PHYHIPL: variants seen among roughly 807,000 people sequenced by gnomAD.
The protein encoded by PHYHIPL is phytanoyl-CoA 2-hydroxylase interacting protein like.
PHYHIPL carries 9 observed loss-of-function variants against 33.4 expected under a neutral mutation model. The ratio of observed to expected loss-of-function variants is 0.27; its 90% confidence interval spans 0.16 to 0.47. PHYHIPL has a LOEUF of 0.47. Among genes scored for constraint, PHYHIPL ranks in the 20% least tolerant of loss-of-function variants. PHYHIPL has a pLI of 0.99. For synonymous variants in PHYHIPL, 153 were observed against 154.1 expected, an observed-to-expected ratio of 0.99 and a Z score of 0.05; for missense variants, 365 against 460.7, an observed-to-expected ratio of 0.79 and a Z score of 1.90.
chr10:59,189,418 C>T (rs560816295), intron 1 of PHYHIPL, among the ~76,000 whole-genome samples: 1 of 152,102 alleles, frequency 6.6e-6, no homozygotes, highest in South Asian at 2.1e-4. Context: ...TGTGGGTAGA[C>T]CACATTTTTA....
chr10:59,182,675 A>G (rs1181263359), intron 1 of PHYHIPL, among the ~76,000 whole-genome samples: 1 of 152,182 alleles, frequency 6.6e-6, no homozygotes, highest in Non-Finnish European at 1.5e-5. Flanking sequence ...GAGTAAAATC[A>G]GTGTTTGGAG....
intron 1 of PHYHIPL, among the ~76,000 whole-genome samples, 155 bp from the exon 2 acceptor site, chr10:59,234,149 C>G (rs1308998727): frequency 6.6e-6 from 1 of 151,622 alleles, no homozygotes; most frequent in Non-Finnish European, 1.5e-5. Context: ...TTTGTGTTCA[C>G]TCTGTGAAAA....
chr10:59,191,395 GT>G lies in PHYHIPL; in HGVS notation c.106+14440del, dbSNP rs1474160713. Among the ~76,000 whole-genome samples, 5 of 151,940 alleles carry G rather than the reference GT, an allele frequency of 3.3e-5. No individual in the cohort carries two copies. In the East Asian group the frequency reaches 7.7e-4, roughly 23 times the overall value. ...TATCAATAATGCAACATTTGATAAG[GT>G]TTTCTCTAATTGTGTATGCTTTTGT... On this transcript the variant is annotated intron_variant, in intron 1 of 4. Transcript: ENST00000373880.
At chr10:59,223,446 C>A (rs903044256) in intron 1 of PHYHIPL, among the ~76,000 whole-genome samples, 1 of 152,056 alleles carries the variant, frequency 6.6e-6, no homozygotes, top group African/African-American at 2.4e-5. Flanking sequence ...CAGTCCCACA[C>A]CTTGTTGTCT....
intron 1 of PHYHIPL, chr10:59,221,607 C>G (rs1759433260): frequency 4.7e-6 from 4 of 847,126 alleles, no homozygotes; most frequent in Non-Finnish European, 4.3e-6. Flanking sequence ...GAGTGTGAAG[C>G]CTTAATTTTG....
rs769200278 is a variant in PHYHIPL, at chr10:59,211,099, T to C, written c.107-23205T>C. Among the ~76,000 whole-genome samples the C allele has an allele frequency of 3.3e-4, 50 of 152,050 alleles. 1 individual carries two copies. The highest frequency in any genetic ancestry group is 1.5e-4 in the Non-Finnish European group (10 of 67,992). On this transcript the variant is annotated intron_variant, in intron 1 of 4. Transcript: ENST00000373880. ...ATATCACAAATAAGGCCTGATATGG[T>C]GGCTCATGCCTGCCTGTAATCCCTG...
At chr10:59,195,907 A>G (rs2133207070) in intron 1 of PHYHIPL, among the ~76,000 whole-genome samples, 1 of 152,316 alleles carries the variant, frequency 6.6e-6, no homozygotes, top group South Asian at 2.1e-4. Context: ...AAAGTAATAG[A>G]ACTTTTGTTA....
chr10:59,231,964 T>A (rs1268751152), intron 1 of PHYHIPL, among the ~76,000 whole-genome samples: 1 of 152,062 alleles, frequency 6.6e-6, no homozygotes, highest in Non-Finnish European at 1.5e-5. Flanking sequence ...ATTAATAAAG[T>A]CTTGAGTGTA....
At position 59,234,316 on chromosome 10, in the gene PHYHIPL, A is replaced by T; in HGVS notation, c.119A>T (p.Gln40Leu). The change falls in exon 2 of 5, where the codon CAA becomes CTA. Residue 40 changes from glutamine (Q) to leucine (L), a missense_variant. This residue lies in a region of PHYHIPL where 89 missense variants were observed against 78.3 expected (regional missense o/e 1.14). Coordinates refer to ENST00000373880, the MANE Select transcript of PHYHIPL (RefSeq NM_032439.4). ...QLCDRDGNKS[Q>L]DSGIAEMEEL... is the part of the protein sequence containing the mutation. ...TGTTTTCTTGCAGGGAACAAATCACAAGACAGTGGCATAGCAGAGATGGAA... is the reference window on the plus strand; with the variant it reads ...TGTTTTCTTGCAGGGAACAAATCACTAGACAGTGGCATAGCAGAGATGGAA... 6.3e-7 allele frequency: 1 copy of T among 1,582,048 alleles called. No homozygotes were observed. The highest frequency in any genetic ancestry group is 2.0e-5 in the Admixed American group (1 of 50,682).
At chr10:59,227,508 C>T (rs547707148) in intron 1 of PHYHIPL, among the ~76,000 whole-genome samples, 2 of 152,204 alleles carry the variant, frequency 1.3e-5, no homozygotes, top group South Asian at 4.1e-4. Context: ...GACCAAGCCT[C>T]AACATGAGTT....
At chr10:59,192,730 C>T (rs1263539633) in intron 1 of PHYHIPL, among the ~76,000 whole-genome samples, 2 of 152,030 alleles carry the variant, frequency 1.3e-5, no homozygotes, top group East Asian at 3.9e-4. Context: ...TGTGATCAAA[C>T]TGGAAGTGTG....
intron 1 of PHYHIPL, among the ~76,000 whole-genome samples, chr10:59,189,126 A>T (rs566683594): frequency 6.6e-6 from 1 of 152,150 alleles, no homozygotes; most frequent in East Asian, 1.9e-4. Flanking sequence ...AACTCTCCTT[A>T]AAAAAGAGTC....
chr10:59,232,605 T>G (rs771348957), intron 1 of PHYHIPL, among the ~76,000 whole-genome samples: 1 of 151,970 alleles, frequency 6.6e-6, no homozygotes, highest in Non-Finnish European at 1.5e-5. Context: ...TGTTACTATA[T>G]TGAAGTTGTG....
At chr10:59,231,660 A>G (rs1840083066) in intron 1 of PHYHIPL, among the ~76,000 whole-genome samples, 2 of 152,140 alleles carry the variant, frequency 1.3e-5, no homozygotes, top group South Asian at 4.1e-4. Flanking sequence ...TCAGTCCGAG[A>G]CAGCTAAAAT....
At chr10:59,192,944 G>A (rs939498876) in intron 1 of PHYHIPL, among the ~76,000 whole-genome samples, 4 of 152,152 alleles carry the variant, frequency 2.6e-5, no homozygotes, top group African/African-American at 9.6e-5. Context: ...TCAGAAGGCT[G>A]TTAGAAATTT....
Position 59,246,747 on chromosome 10 carries a change from T to G in PHYHIPL, c.*1156T>G, listed in dbSNP as rs1840743235. 1 of 396,608 alleles carries G rather than the reference T, an allele frequency of 2.5e-6. No homozygotes were observed. Among genetic ancestry groups the G allele is most frequent in the African/African-American group, 2.1e-5 (1 of 48,576 alleles). 24.6% of individuals were successfully genotyped at this position (396,608 alleles called of 1,614,324 possible). A position where few individuals can be genotyped will look rare whatever the true frequency, so the allele number is the denominator to read the frequency against. The stretch of plus-strand genomic sequence containing the variant: ...TTTTGACTTTACAAAGTATAGATGT[T>G]GGAACATTAAGAAAAATGTATATTC... On this transcript the variant is annotated 3_prime_UTR_variant, in exon 5 of 5. Transcript: ENST00000373880.
At chr10:59,174,719 T>G (rs1185709638), upstream of PHYHIPL, among the ~76,000 whole-genome samples, 5 of 152,190 alleles carry the variant, frequency 3.3e-5, no homozygotes, top group Admixed American at 2.6e-4. Context: ...TTTTTAATAA[T>G]TTCTCATTCC....
At chr10:59,213,571 C>T (rs1213661122) in intron 1 of PHYHIPL, among the ~76,000 whole-genome samples, 1 of 152,042 alleles carries the variant, frequency 6.6e-6, no homozygotes, top group Admixed American at 6.6e-5. Context: ...TAATGGGAGT[C>T]AGTTACTAGG....
intron 1 of PHYHIPL, among the ~76,000 whole-genome samples, chr10:59,205,208 A>G (rs1207660623): frequency 6.6e-6 from 1 of 152,216 alleles, no homozygotes; most frequent in Non-Finnish European, 1.5e-5. Flanking sequence ...TTTCACTAAA[A>G]TAAGATAAAA....
Sources: gnomAD v4.1 joint callset for allele counts (sites outside exome capture counted in the v4.1 genomes callset) on GRCh38, gnomAD v4.1.1 for gene constraint, gnomAD v4.1.1 regional missense constraint, MANE v1.5 for transcripts, NCBI Gene and HGNC (gene_info 2026-07-23, HGNC 2026-07-21) for gene names.